DLG2: variants seen among roughly 807,000 people sequenced by gnomAD.
DLG2 encodes the protein disks large homolog 2.
DLG2 carries 45 observed loss-of-function variants against 132.5 expected under a neutral mutation model. That is an observed-to-expected ratio of 0.34 (90% CI 0.27 to 0.44). The LOEUF (loss-of-function observed/expected upper bound fraction) is 0.44. Among genes scored for constraint, DLG2 ranks in the 20% least tolerant of loss-of-function variants. DLG2 has a pLI of 1.00. For synonymous variants in DLG2, 424 were observed against 419.6 expected, an observed-to-expected ratio of 1.01 and a Z score of -0.13; for missense variants, 1,045 against 1,196.9, an observed-to-expected ratio of 0.87 and a Z score of 1.87.
At chr11:84,823,703 A>G (rs550841923) in intron 6 of DLG2, among the ~76,000 whole-genome samples, 8 of 151,508 alleles carry the variant, frequency 5.3e-5, no homozygotes, top group Non-Finnish European at 7.4e-5. Flanking sequence ...AAAAAGTTCC[A>G]TATTTCTTTT....
rs140868279 is a variant in DLG2, at chr11:85,135,315, G to A, written c.282+19241C>T. ...TTTCAATAGCAACATTAAAGACCAC[G>A]TCCCTTAATTCCAAGTCCAGGTCTT... On this transcript the variant is annotated intron_variant, in intron 5 of 27. Transcript: ENST00000376104. Among the ~76,000 whole-genome samples, 652 of 152,294 alleles carry A rather than the reference G, an allele frequency of 4.3e-3. 3 individuals are homozygous for A. The highest frequency in any genetic ancestry group is 0.014 in the African/African-American group (585 of 41,562).
At chr11:84,060,939 A>G (rs1353254805) in intron 10 of DLG2, among the ~76,000 whole-genome samples, 1 of 152,018 alleles carries the variant, frequency 6.6e-6, no homozygotes, top group South Asian at 2.1e-4. Context: ...ACCTCCACAA[A>G]CGCCGACCTA....
At chr11:85,152,599 T>G (rs2152456268) in intron 5 of DLG2, among the ~76,000 whole-genome samples, 1 of 152,344 alleles carries the variant, frequency 6.6e-6, no homozygotes, top group African/African-American at 2.4e-5. Context: ...AAATTATTAA[T>G]ATCTAATCAG....
chr11:84,624,857 C>T (rs1486519054), intron 6 of DLG2, among the ~76,000 whole-genome samples: 41 of 76,196 alleles, frequency 5.4e-4, no homozygotes, highest in African/African-American at 8.2e-4. Context: ...GAGAGTCAAC[C>T]TTTTTTTTTT....
At chr11:84,511,325 A>C (rs2099256494) in intron 7 of DLG2, among the ~76,000 whole-genome samples, 1 of 152,148 alleles carries the variant, frequency 6.6e-6, no homozygotes, top group African/African-American at 2.4e-5. Flanking sequence ...GCATGTATGA[A>C]TAATAAAAAT....
intron 6 of DLG2, among the ~76,000 whole-genome samples, chr11:84,915,920 T>C (rs1016953951): frequency 6.6e-6 from 1 of 152,170 alleles, no homozygotes; most frequent in African/African-American, 2.4e-5. Context: ...AAGTAGCTTA[T>C]AGTTGACTCA....
intron 6 of DLG2, among the ~76,000 whole-genome samples, chr11:84,683,924 G>A (rs1036779439): frequency 6.6e-6 from 1 of 152,120 alleles, no homozygotes; most frequent in Non-Finnish European, 1.5e-5. Context: ...TCAGGTTTCA[G>A]AAAACATCTA....
chr11:83,886,513 C>T (rs1161315142), intron 15 of DLG2, among the ~76,000 whole-genome samples: 1 of 152,072 alleles, frequency 6.6e-6, no homozygotes, highest in Non-Finnish European at 1.5e-5. Context: ...ACTTTAACAC[C>T]CCACTGTCAA....
chr11:85,239,099 T>G (rs765427955), intron 4 of DLG2, among the ~76,000 whole-genome samples: 2 of 152,090 alleles, frequency 1.3e-5, no homozygotes, highest in Non-Finnish European at 2.9e-5. Context: ...GAGTGATCGC[T>G]TTTTGCTGAC....
chr11:84,369,277 T>C (rs1383674769), intron 7 of DLG2, among the ~76,000 whole-genome samples: 1 of 152,128 alleles, frequency 6.6e-6, no homozygotes, highest in Non-Finnish European at 1.5e-5. Context: ...CTTAGGTTTG[T>C]TATGCTTTGG....
chr11:85,596,651 G>A (rs1436717348), intron 3 of DLG2, among the ~76,000 whole-genome samples: 1 of 152,126 alleles, frequency 6.6e-6, no homozygotes, highest in Non-Finnish European at 1.5e-5. Flanking sequence ...GGAAAAAAAA[G>A]GGTAGGATGG....
intron 7 of DLG2, among the ~76,000 whole-genome samples, chr11:84,519,048 T>G (rs2099284251): frequency 2.6e-5 from 4 of 152,168 alleles, no homozygotes; most frequent in Non-Finnish European, 5.9e-5. Context: ...ATTTGCAGGC[T>G]GATTTATAAG....
chr11:84,747,806 G>GGCA, intron 6 of DLG2, among the ~76,000 whole-genome samples: 1 of 152,084 alleles, frequency 6.6e-6, no homozygotes, highest in South Asian at 2.1e-4. Flanking sequence ...CGTGATTCTT[G>GGCA]TCATCAAAAG....
intron 7 of DLG2, among the ~76,000 whole-genome samples, chr11:84,316,261 C>T (rs1173116652): frequency 2.0e-5 from 3 of 152,104 alleles, no homozygotes; most frequent in Non-Finnish European, 4.4e-5. Flanking sequence ...CTGAGTTTAA[C>T]CATCCTCTGT....
chr11:83,862,007 T>A (rs145920083), intron 16 of DLG2, among the ~76,000 whole-genome samples: 1,580 of 152,310 alleles, frequency 0.01, 25 homozygotes, highest in African/African-American at 0.036. Context: ...ACACTTATTT[T>A]GTTCCCACAG....
At chr11:83,902,137 C>T (rs1296889002) in intron 15 of DLG2, among the ~76,000 whole-genome samples, 1 of 152,162 alleles carries the variant, frequency 6.6e-6, no homozygotes, top group Non-Finnish European at 1.5e-5. Flanking sequence ...TTATGTCCCT[C>T]TGCATATTCT....
chr11:84,903,357 C>T (rs73518933), intron 6 of DLG2, among the ~76,000 whole-genome samples: 7,128 of 152,178 alleles, frequency 0.047, 498 homozygotes, highest in African/African-American at 0.16. Context: ...CTCCTACCTC[C>T]TACTAATTCT....
At chr11:83,611,385 G>C (rs2060092181) in intron 19 of DLG2, among the ~76,000 whole-genome samples, 1 of 152,096 alleles carries the variant, frequency 6.6e-6, no homozygotes, top group Non-Finnish European at 1.5e-5. Flanking sequence ...GATAATTTCA[G>C]AACTATAATT....
intron 6 of DLG2, among the ~76,000 whole-genome samples, chr11:84,980,726 G>A (rs1212368996): frequency 3.3e-5 from 5 of 152,182 alleles, no homozygotes; most frequent in Non-Finnish European, 7.3e-5. Context: ...AGTTTCTGGA[G>A]ATAAAAGCAT....
Sources: allele counts gnomAD v4.1 joint callset (sites outside exome capture counted in the v4.1 genomes callset), GRCh38; gene constraint gnomAD v4.1.1; transcripts MANE v1.5; gene names NCBI Gene and HGNC (gene_info 2026-07-23, HGNC 2026-07-21).